Variants in FGD4 observed in about 807,000 individuals in gnomAD.
FGD4 encodes FYVE, RhoGEF and PH domain-containing protein 4.
In FGD4, 42 loss-of-function variants were observed where a neutral mutation model predicts 102.0. That is an observed-to-expected ratio of 0.41 (90% CI 0.32 to 0.53). The LOEUF is 0.53. Among genes scored for constraint, FGD4 ranks in the 20% least tolerant of loss-of-function variants. FGD4 has a pLI of 0.21. For synonymous variants in FGD4, 380 were observed against 375.7 expected, an observed-to-expected ratio of 1.01 and a Z score of -0.13; for missense variants, 902 against 1,078.2, an observed-to-expected ratio of 0.84 and a Z score of 2.29.
At chr12:32,526,658 C>G (rs553299049) in intron 1 of FGD4, among the ~76,000 whole-genome samples, 7 of 152,308 alleles carry the variant, frequency 4.6e-5, no homozygotes, top group African/African-American at 1.7e-4. Flanking sequence ...ACTGTGGGAG[C>G]TTTGTTCTTT....
intron 1 of FGD4, among the ~76,000 whole-genome samples, chr12:32,469,766 TCTC>T (rs1220235695): frequency 6.6e-6 from 1 of 151,970 alleles, no homozygotes; most frequent in African/African-American, 2.4e-5. Context: ...TTCAAGCAAT[TCTC>T]CTGCTTTAGC....
chr12:32,462,698 G>A (rs1453390163), intron 1 of FGD4, among the ~76,000 whole-genome samples: 1 of 152,112 alleles, frequency 6.6e-6, no homozygotes, highest in Non-Finnish European at 1.5e-5. Flanking sequence ...CTTCCAGGCT[G>A]GCAATATCCA....
intron 1 of FGD4, among the ~76,000 whole-genome samples, chr12:32,504,018 T>C (rs1003791841): frequency 5.3e-5 from 8 of 152,218 alleles, no homozygotes; most frequent in Non-Finnish European, 1.2e-4. Context: ...TGAATTTACT[T>C]ACTCTTTTCT....
intron 1 of FGD4, among the ~76,000 whole-genome samples, chr12:32,435,195 G>A (rs926405499): frequency 2.0e-5 from 3 of 152,128 alleles, no homozygotes; most frequent in Admixed American, 6.5e-5. Flanking sequence ...CGCCCACCTT[G>A]GCCTCCCAAA....
chr12:32,478,681 G>C (rs1175367840), intron 1 of FGD4, among the ~76,000 whole-genome samples: 2 of 152,208 alleles, frequency 1.3e-5, no homozygotes, highest in East Asian at 3.8e-4. Flanking sequence ...CACCTGAGTA[G>C]TTTGCAAGTG....
At chr12:32,601,639 G>T (rs1948434565) in intron 6 of FGD4, among the ~76,000 whole-genome samples, 1 of 152,184 alleles carries the variant, frequency 6.6e-6, no homozygotes, top group Admixed American at 6.5e-5. Context: ...GGGTAATGTG[G>T]AGCTTCAAGA....
At chr12:32,585,187 G>C (rs999567294) in intron 4 of FGD4, among the ~76,000 whole-genome samples, 1 of 145,128 alleles carries the variant, frequency 6.9e-6, no homozygotes, top group Non-Finnish European at 1.5e-5. Flanking sequence ...AGCGCTCCAG[G>C]CTAGGTGACA....
At chr12:32,483,556 G>A (rs1332700653) in intron 1 of FGD4, among the ~76,000 whole-genome samples, 1 of 152,206 alleles carries the variant, frequency 6.6e-6, no homozygotes, top group Non-Finnish European at 1.5e-5. Flanking sequence ...ACAAAGGCCA[G>A]CATACTCATG....
intron 1 of FGD4, among the ~76,000 whole-genome samples, chr12:32,431,287 C>T (rs1359255422): frequency 6.6e-6 from 1 of 152,116 alleles, no homozygotes; most frequent in South Asian, 2.1e-4. Context: ...ATTATATTGG[C>T]GGCAATTGCG....
Position 32,620,072 on chromosome 12 carries a change from A to G in FGD4, c.1922+202A>G, listed in dbSNP as rs12299270. 0.15 allele frequency among the ~76,000 whole-genome samples: 22,865 copies of G among 152,158 alleles called. 1,978 individuals carry two copies. The highest frequency in any genetic ancestry group is 0.26 in the Middle Eastern group (76 of 294). On this transcript the variant is annotated intron_variant, in intron 11 of 16. Coordinates refer to ENST00000534526, the MANE Select transcript of FGD4 (RefSeq NM_001370298.3). The stretch of plus-strand genomic sequence containing the variant: ...TTGATTCCTCCATAGTGCCTAGGAC[A>G]GTGGTTTGTAGACAATAAGCATTCA...
chr12:32,601,452 T>C, intron 6 of FGD4, 29 bp downstream of exon 6: 1 of 1,596,966 alleles, frequency 6.3e-7, no homozygotes, highest in Non-Finnish European at 8.5e-7. Flanking sequence ...AAATGATATG[T>C]TTAAGGCAGT....
At chr12:32,603,814 C>G (rs1948596336) in intron 7 of FGD4, among the ~76,000 whole-genome samples, 1 of 151,730 alleles carries the variant, frequency 6.6e-6, no homozygotes, top group Non-Finnish European at 1.5e-5. Context: ...GCAATCCTCC[C>G]ACCGCAGCCT....
At chr12:32,407,063 C>A (rs193116204) in intron 1 of FGD4, among the ~76,000 whole-genome samples, 9,565 of 149,014 alleles carry the variant, frequency 0.064, 1,004 homozygotes, top group African/African-American at 0.22. Context: ...CACCCGCCTC[C>A]GCCTCCCAAA....
chr12:32,478,959 C>T (rs547074866), intron 1 of FGD4, among the ~76,000 whole-genome samples: 3 of 152,322 alleles, frequency 2.0e-5, no homozygotes, highest in South Asian at 2.1e-4. Context: ...CAACGATGCC[C>T]ACACTGTTGG....
intron 1 of FGD4, chr12:32,486,107 T>C (rs993114949): frequency 1.9e-5 from 29 of 1,528,200 alleles, no homozygotes; most frequent in Non-Finnish European, 2.5e-5. Flanking sequence ...ATCAGAAGAT[T>C]GCTGGATGTT....
intron 1 of FGD4, among the ~76,000 whole-genome samples, chr12:32,449,737 A>ATTTCT (rs966996073): frequency 2.0e-5 from 3 of 151,478 alleles, no homozygotes; most frequent in Non-Finnish European, 4.4e-5. Context: ...TAACTGTTTC[A>ATTTCT]TTTCTTTTCT....
chr12:32,552,944 A>ATTTTTTTTT (rs71068326), intron 1 of FGD4, among the ~76,000 whole-genome samples: 176 of 123,788 alleles, frequency 1.4e-3, no homozygotes, highest in Non-Finnish European at 2.0e-3. Context: ...CGCCTGGCTA[A>ATTTTTTTTT]TTTTTTTTTT....
chr12:32,595,722 C>A (rs939092567), intron 4 of FGD4, among the ~76,000 whole-genome samples: 5 of 152,174 alleles, frequency 3.3e-5, no homozygotes, highest in Non-Finnish European at 7.3e-5. Context: ...GCCAGGCTGG[C>A]AACCAACAAT....
At chr12:32,458,365 C>T (rs927588699) in intron 1 of FGD4, among the ~76,000 whole-genome samples, 1 of 151,904 alleles carries the variant, frequency 6.6e-6, no homozygotes, top group African/African-American at 2.4e-5. Flanking sequence ...TTTGTAGAGA[C>T]AGGATTTTGC....
Sources: gnomAD v4.1 joint callset for allele counts (sites outside exome capture counted in the v4.1 genomes callset) on GRCh38, gnomAD v4.1.1 for gene constraint, MANE v1.5 for transcripts, NCBI Gene and HGNC (gene_info 2026-07-23, HGNC 2026-07-21) for gene names.